The following GRAMD1C variants were observed in gnomAD, a reference collection of about 807,000 sequenced individuals.
The protein encoded by GRAMD1C is protein Aster-C.
In GRAMD1C, 89 loss-of-function variants were observed where a neutral mutation model predicts 97.8. The observed-to-expected ratio is 0.91, with a 90% CI of 0.77 to 1.09. The LOEUF is 1.09. Among genes scored for constraint, GRAMD1C ranks in the 50% least tolerant of loss-of-function variants. The pLI, the probability that GRAMD1C is intolerant of heterozygous loss-of-function variation, is 0.00. For missense variants in GRAMD1C, 740 were observed against 766.4 expected, an observed-to-expected ratio of 0.97 and a Z score of 0.41; for synonymous variants, 256 against 267.0, an observed-to-expected ratio of 0.96 and a Z score of 0.40.
chr3:113,832,706 C>T (rs745868275), intron 1 of GRAMD1C, among the ~76,000 whole-genome samples: 1 of 152,046 alleles, frequency 6.6e-6, no homozygotes, highest in East Asian at 1.9e-4. Context: ...AGTTTGTATT[C>T]TTTGTTTTAT....
At chr3:113,864,538 C>T (rs942732613) in intron 2 of GRAMD1C, among the ~76,000 whole-genome samples, 2 of 152,044 alleles carry the variant, frequency 1.3e-5, no homozygotes, top group Admixed American at 1.3e-4. Flanking sequence ...GGCATTAATC[C>T]CTTCAGCCCT....
intron 6 of GRAMD1C, chr3:113,885,406 C>G (rs532954936): frequency 1.9e-6 from 3 of 1,575,830 alleles, no homozygotes; most frequent in South Asian, 2.2e-5. Flanking sequence ...CACGGTAATT[C>G]AGTACCAAAC....
intron 6 of GRAMD1C, chr3:113,885,155 C>T (rs1415961507): frequency 6.6e-6 from 4 of 602,284 alleles, no homozygotes; most frequent in South Asian, 2.0e-5. Context: ...GCTTTCTGAG[C>T]CGCCCGCTCC....
At chr3:113,889,313 C>T (rs564438696) in intron 6 of GRAMD1C, among the ~76,000 whole-genome samples, 13 of 152,220 alleles carry the variant, frequency 8.5e-5, no homozygotes, top group South Asian at 2.1e-4. Flanking sequence ...AAGTGAAAGA[C>T]GCCAGTCATA....
intron 6 of GRAMD1C, chr3:113,890,611 C>T: frequency 1.8e-6 from 1 of 569,190 alleles, no homozygotes; most frequent in Non-Finnish European, 3.2e-6. Flanking sequence ...CCTGGCTACC[C>T]CACCCCAAAT....
At position 113,867,764 on chromosome 3, in the gene GRAMD1C, G is replaced by A. The variant is rs150123658; in HGVS notation, c.175-1743G>A. 5.4e-3 allele frequency among the ~76,000 whole-genome samples: 828 copies of A among 152,218 alleles called. 1 individual carries two copies. Among genetic ancestry groups the A allele is most frequent in the Non-Finnish European group, 8.8e-3 (595 of 67,996 alleles). ...GTTCAGCAGTTTGAGTCATGTCTTAGCATGACTCTCTGTGTTTATCCTGCT... is the reference window on the plus strand; with the variant it reads ...GTTCAGCAGTTTGAGTCATGTCTTAACATGACTCTCTGTGTTTATCCTGCT... On this transcript the variant is annotated intron_variant, in intron 2 of 17. Coordinates refer to ENST00000358160, the MANE Select transcript of GRAMD1C (RefSeq NM_017577.5).
chr3:113,875,431 A>G (rs1372219401), intron 3 of GRAMD1C, 53 bp from the exon 4 acceptor site: 1 of 804,340 alleles, frequency 1.2e-6, no homozygotes, highest in East Asian at 2.4e-5. Context: ...TATAAGGTCT[A>G]TTAATTTCTC....
At position 113,872,391 on chromosome 3, in the gene GRAMD1C, C is replaced by CTTTTTTTTTT. The variant is rs777339692; in HGVS notation, c.259+2812_259+2821dup. 4.7e-3 allele frequency among the ~76,000 whole-genome samples: 557 copies of CTTTTTTTTTT among 117,394 alleles called. 2 individuals are homozygous for CTTTTTTTTTT. Among genetic ancestry groups the CTTTTTTTTTT allele is most frequent in the African/African-American group, 8.5e-3 (237 of 28,030 alleles). 77.0% of individuals were successfully genotyped at this position (117,394 alleles called of 152,430 possible). A position where few individuals can be genotyped will look rare whatever the true frequency, so the allele number is the denominator to read the frequency against. ...ATGAATCCACTTCATTCTTTTTTTT[C>CTTTTTTTTTT]TTTTTTTTTTTTTTTTTTTTTGAGA... On this transcript the variant is annotated intron_variant, in intron 3 of 17. Coordinates refer to ENST00000358160, the MANE Select transcript of GRAMD1C (RefSeq NM_017577.5).
rs200965601 is a variant in GRAMD1C, at chr3:113,930,706, G to A, written c.1091-8G>A. On this transcript the variant is annotated splice_region_variant and splice_polypyrimidine_tract_variant and intron_variant, in intron 10 of 17. Transcript: ENST00000358160. ...AGAACTAACTCATTTTGTGTTTGTTGTTGTTAGATGTAGTATCTACCCCTT... is the reference window on the plus strand; with the variant it reads ...AGAACTAACTCATTTTGTGTTTGTTATTGTTAGATGTAGTATCTACCCCTT... The A allele has an allele frequency of 5.6e-5, 78 of 1,397,580 alleles. No individual in the cohort carries two copies. Among genetic ancestry groups the A allele is most frequent in the Admixed American group, 2.2e-4 (13 of 59,312 alleles). The allele number at this position is 1,397,580 out of a possible 1,614,324, so 86.6% of individuals were successfully genotyped here.
rs1577113795 is a variant in GRAMD1C, at chr3:113,841,791, G to A, written c.28-2712G>A. On this transcript the variant is annotated intron_variant, in intron 1 of 17. Transcript: ENST00000358160. ...CAACTTACTGTGATCTCCAACTCTT[G>A]GACTCTGGCAGTCCTCCCACCTCAG... Among the ~76,000 whole-genome samples the A allele has an allele frequency of 4.6e-5, 7 of 152,064 alleles. No individual in the cohort carries two copies. In the South Asian group the frequency reaches 1.5e-3, roughly 32 times the overall value.
chr3:113,847,670 T>C (rs561314833), intron 2 of GRAMD1C, among the ~76,000 whole-genome samples: 1 of 152,310 alleles, frequency 6.6e-6, no homozygotes, highest in East Asian at 1.9e-4. Flanking sequence ...GGGAATTCAC[T>C]GAGGGGTCTA....
chr3:113,870,515 G>A (rs1438061791), intron 3 of GRAMD1C, among the ~76,000 whole-genome samples: 1 of 152,136 alleles, frequency 6.6e-6, no homozygotes, highest in East Asian at 1.9e-4. Flanking sequence ...ATAGTGTTCA[G>A]TATCACATGG....
intron 5 of GRAMD1C, among the ~76,000 whole-genome samples, chr3:113,878,760 A>G (rs1935147275): frequency 6.6e-6 from 1 of 152,088 alleles, no homozygotes; most frequent in Admixed American, 6.6e-5. Context: ...ATTATCCTTA[A>G]TATAGTTACT....
intron 2 of GRAMD1C, among the ~76,000 whole-genome samples, chr3:113,849,507 T>C (rs1056432821): frequency 4.0e-5 from 6 of 151,586 alleles, no homozygotes; most frequent in East Asian, 3.9e-4. Flanking sequence ...TTAACGAGCA[T>C]GCTGCCTTCA....
At chr3:113,885,316 C>T in intron 6 of GRAMD1C, 1 of 1,579,652 alleles carries the variant, frequency 6.3e-7, no homozygotes, top group Non-Finnish European at 8.7e-7. Context: ...GACGCAGTGT[C>T]TGCTGGGACT....
intron 15 of GRAMD1C, 115 bp from the exon 16 acceptor site, chr3:113,939,771 C>A: frequency 1.7e-6 from 1 of 573,026 alleles, no homozygotes; most frequent in Non-Finnish European, 3.2e-6. Context: ...ATAATAACAA[C>A]AATGAAAAAC....
chr3:113,841,301 T>TTTTTTC (rs56205830), intron 1 of GRAMD1C, among the ~76,000 whole-genome samples: 1 of 145,980 alleles, frequency 6.9e-6, no homozygotes. Flanking sequence ...TTTTTTTTTT[T>TTTTTTC]GCGAGACAGA....
At chr3:113,898,209 A>G (rs973706325) in intron 6 of GRAMD1C, among the ~76,000 whole-genome samples, 5 of 152,140 alleles carry the variant, frequency 3.3e-5, no homozygotes, top group African/African-American at 1.2e-4. Flanking sequence ...TTTACTAATA[A>G]GTTTCATTTC....
chr3:113,928,046 A>G (rs1391957674), intron 10 of GRAMD1C, among the ~76,000 whole-genome samples: 1 of 152,156 alleles, frequency 6.6e-6, no homozygotes, highest in Non-Finnish European at 1.5e-5. Context: ...CTAGTCTTAC[A>G]CAGGTGCCTG....
Sources: allele counts gnomAD v4.1 joint callset (sites outside exome capture counted in the v4.1 genomes callset), GRCh38; gene constraint gnomAD v4.1.1; transcripts MANE v1.5; gene names NCBI Gene and HGNC (gene_info 2026-07-23, HGNC 2026-07-21).